CDCP1: variants seen among roughly 807,000 people sequenced by gnomAD.
CDCP1 encodes the protein CUB domain containing protein 1.
Under a neutral mutation model 60.2 loss-of-function variants are expected in CDCP1, and 29 were observed. That is an observed-to-expected ratio of 0.48 (90% CI 0.36 to 0.66). The LOEUF is 0.66. Among genes scored for constraint, CDCP1 ranks in the 30% least tolerant of loss-of-function variants. The pLI is 0.00. For missense variants in CDCP1, 876 were observed against 1,074.3 expected (o/e 0.82, Z 2.58); for synonymous variants, 387 against 431.1 (o/e 0.90, Z 1.27).
In CDCP1 at chr3:45,110,609, C is replaced by T. The variant is rs754921342; in HGVS notation, c.888G>A (p.Lys296=). 3.7e-6 allele frequency: 6 copies of T among 1,614,084 alleles called. No individual in the cohort carries two copies. The African/African-American group carries it at 8.0e-5, about 22-fold the overall frequency. Reference sequence around the variant, plus strand: ...TGTTCCCAGGCTGCTTGTCCTCCAGCTTGAACACCTCGGGGTTGGTGGTGG... The same window carrying T: ...TGTTCCCAGGCTGCTTGTCCTCCAGTTTGAACACCTCGGGGTTGGTGGTGG... ...PGSTTNPEVF[K]LEDKQPGNMA... is the part of the protein sequence containing the mutation. Residue 296 remains lysine, a synonymous_variant, in exon 4 of 9, where the codon AAG becomes AAA. Coordinates refer to ENST00000296129, the MANE Select transcript of CDCP1 (RefSeq NM_022842.5).
At chr3:45,129,187 C>G (rs1007214338) in intron 1 of CDCP1, among the ~76,000 whole-genome samples, 5 of 152,194 alleles carry the variant, frequency 3.3e-5, no homozygotes, top group African/African-American at 1.2e-4. Context: ...AGACACATGC[C>G]ATATGAGAGA....
At chr3:45,117,936 A>G (rs1698821142) in intron 2 of CDCP1, among the ~76,000 whole-genome samples, 1 of 152,134 alleles carries the variant, frequency 6.6e-6, no homozygotes, top group African/African-American at 2.4e-5. Flanking sequence ...TGCTGGGATT[A>G]CAGGTGTGAA....
At chr3:45,123,724 C>T (rs1698925544) in intron 1 of CDCP1, among the ~76,000 whole-genome samples, 1 of 152,196 alleles carries the variant, frequency 6.6e-6, no homozygotes, top group Non-Finnish European at 1.5e-5. Context: ...AGTAGAGTAA[C>T]TTGTCAGCTC....
chr3:45,091,144 C>T lies in CDCP1; in HGVS notation c.1993+29G>A, dbSNP rs1422223690. On this transcript the variant is annotated intron_variant, in intron 7 of 8. Coordinates refer to ENST00000296129, the MANE Select transcript of CDCP1 (RefSeq NM_022842.5). The surrounding 1 kb of genome is among the most constrained non-coding windows in gnomAD (Gnocchi z 4.8). ...CCAGCTGACAATTTTTTGTTCATCA[C>T]TGTCCCCAAAGACCCTGAAGGCCCT... The T allele has an allele frequency of 5.0e-6, 8 of 1,586,068 alleles. No homozygotes were observed. The Admixed American group carries it at 5.2e-5, about 10-fold the overall frequency.
At chr3:45,098,723 T>C (rs1698443067) in intron 4 of CDCP1, among the ~76,000 whole-genome samples, 1 of 152,194 alleles carries the variant, frequency 6.6e-6, no homozygotes, top group Non-Finnish European at 1.5e-5. Context: ...ATTCTATGTT[T>C]GTGTAATCGT....
intron 8 of CDCP1, among the ~76,000 whole-genome samples, chr3:45,086,825 C>G (rs996034366): frequency 3.3e-5 from 5 of 152,256 alleles, no homozygotes; most frequent in Non-Finnish European, 7.3e-5. Flanking sequence ...TGCTCTCCAT[C>G]TTTGTGAACC....
rs1319816244 is a variant in CDCP1 at position 45,108,865 on chromosome 3, GTATATATATATATGCATGTATACA to G, written c.1024+1584_1024+1607del. ...TATGCATGTATACATATATATGCAT[GTATATATATATATGCATGTATACA>G]TATATATATATATGCATGTATACAT... On this transcript the variant is annotated intron_variant, in intron 4 of 8. Coordinates refer to ENST00000296129, the MANE Select transcript of CDCP1 (RefSeq NM_022842.5). Among the ~76,000 whole-genome samples the G allele has an allele frequency of 4.2e-3, 156 of 37,270 alleles. 21 individuals are homozygous for G. The highest frequency in any genetic ancestry group is 0.014 in the African/African-American group (132 of 9,244). 24.5% of individuals were successfully genotyped at this position (37,270 alleles called of 152,430 possible). A position where few individuals can be genotyped will look rare whatever the true frequency, so the allele number is the denominator to read the frequency against.
chr3:45,108,137 A>T (rs951835521), intron 4 of CDCP1, among the ~76,000 whole-genome samples: 14 of 151,336 alleles, frequency 9.3e-5, no homozygotes, highest in Admixed American at 7.2e-4. Flanking sequence ...AAAAAAAGAA[A>T]AAAAAAGAAT....
chr3:45,135,633 A>C lies in CDCP1; in HGVS notation c.82+10573T>G, dbSNP rs531857345. On this transcript the variant is annotated intron_variant, in intron 1 of 8. Transcript: ENST00000296129. ...GATGGTGGGAAATGCCATTTTAAAT[A>C]TAAAAATAAACATTGTGGGGTTATT... Among the ~76,000 whole-genome samples the C allele has an allele frequency of 1.6e-4, 25 of 152,308 alleles. 1 individual carries two copies. Among genetic ancestry groups the C allele is most frequent in the Admixed American group, 1.2e-3 (19 of 15,292 alleles).
Position 45,095,336 on chromosome 3 carries a change from CA to C in CDCP1, c.1246+10del. 1 of 1,611,770 alleles carries C rather than the reference CA, an allele frequency of 6.2e-7. No homozygotes were observed. ...ATGGCCAGGGACAAATGCACTGATT[CA>C]GGGGCGTACTTATGGTTTTTTCCAC... On this transcript the variant is annotated intron_variant, in intron 5 of 8. Coordinates refer to ENST00000296129, the MANE Select transcript of CDCP1 (RefSeq NM_022842.5).
At chr3:45,117,531 T>C (rs1292990147) in intron 2 of CDCP1, among the ~76,000 whole-genome samples, 1 of 151,874 alleles carries the variant, frequency 6.6e-6, no homozygotes, top group Non-Finnish European at 1.5e-5. Flanking sequence ...TCCATCATTC[T>C]CCAAAGCAGC....
chr3:45,085,714 T>C lies in CDCP1; in HGVS notation c.2435A>G (p.Asn812Ser), dbSNP rs759164289. ...GTCCTTGCTGCTTACATCCCCATTGTTGGGATGGGAGAAGGTGTACGGTTC... is the reference window on the plus strand; with the variant it reads ...GTCCTTGCTGCTTACATCCCCATTGCTGGGATGGGAGAAGGTGTACGGTTC... ...ESEPYTFSHP[N>S]NGDVSSKDTD... Residue 812 changes from asparagine (N) to serine (S), a missense_variant, in exon 9 of 9, where the codon AAC becomes AGC. This residue lies in a region of CDCP1 where 726 missense variants were observed against 935.7 expected (regional missense o/e 0.78). Coordinates refer to ENST00000296129, the MANE Select transcript of CDCP1 (RefSeq NM_022842.5). The surrounding 1 kb of genome is among the most constrained non-coding windows in gnomAD (Gnocchi z 4.2). The C allele has an allele frequency of 8.7e-6, 14 of 1,614,120 alleles. No individual in the cohort carries two copies. In the Admixed American group the frequency reaches 2.2e-4, roughly 25 times the overall value.
At chr3:45,117,893 C>T (rs1216963036) in intron 2 of CDCP1, among the ~76,000 whole-genome samples, 2 of 152,136 alleles carry the variant, frequency 1.3e-5, no homozygotes, top group South Asian at 4.1e-4. Flanking sequence ...GAACTCCTGA[C>T]CTCAGGGGAT....
rs558923450 is a variant in CDCP1, at chr3:45,103,857, G to A, written c.1024+6616C>T. 6.6e-5 allele frequency among the ~76,000 whole-genome samples: 10 copies of A among 152,284 alleles called. No individual in the cohort carries two copies. The South Asian group carries it at 1.0e-3, about 16-fold the overall frequency. On this transcript the variant is annotated intron_variant, in intron 4 of 8. Transcript: ENST00000296129. Reference sequence around the variant, plus strand: ...CTTGGACTTTCCAGTCACCAGAATCGTGAGCCAAATAAATCTCTTTTCTTT... The same window carrying A: ...CTTGGACTTTCCAGTCACCAGAATCATGAGCCAAATAAATCTCTTTTCTTT...
At chr3:45,110,910 C>G (rs545272763) in intron 3 of CDCP1, 69 bp from the exon 4 acceptor site, 1 of 1,526,288 alleles carries the variant, frequency 6.6e-7, no homozygotes, top group Non-Finnish European at 8.8e-7. Context: ...TGTCTGCAGC[C>G]GAGGGGTGGG....
intron 4 of CDCP1, among the ~76,000 whole-genome samples, chr3:45,103,698 C>T (rs1010658267): frequency 6.6e-6 from 1 of 152,154 alleles, no homozygotes; most frequent in African/African-American, 2.4e-5. Flanking sequence ...CAAGAGTGGG[C>T]TGTTATAAAG....
chr3:45,119,017 G>C (rs1220147106), intron 1 of CDCP1, among the ~76,000 whole-genome samples: 1 of 152,106 alleles, frequency 6.6e-6, no homozygotes. Flanking sequence ...CCATCATAGG[G>C]AGACACATTT....
intron 1 of CDCP1, among the ~76,000 whole-genome samples, chr3:45,128,977 A>G (rs919064486): frequency 6.6e-6 from 1 of 152,188 alleles, no homozygotes; most frequent in African/African-American, 2.4e-5. Context: ...TTAGCCTCCC[A>G]AAGTGCTGGG....
At chr3:45,138,619 C>T (rs950120631) in intron 1 of CDCP1, among the ~76,000 whole-genome samples, 2 of 152,134 alleles carry the variant, frequency 1.3e-5, no homozygotes, top group Admixed American at 1.3e-4. Flanking sequence ...GAGGCCGAGG[C>T]GGGTGGATCA....
Sources: gnomAD v4.1 joint callset for allele counts (sites outside exome capture counted in the v4.1 genomes callset) on GRCh38, gnomAD v4.1.1 for gene constraint, gnomAD v4.1.1 regional missense constraint, Gnocchi (gnomAD v3.1) non-coding constraint, MANE v1.5 for transcripts, NCBI Gene and HGNC (gene_info 2026-07-23, HGNC 2026-07-21) for gene names.